Variants in CCDC73 observed in about 807,000 individuals in gnomAD.
CCDC73 encodes the protein coiled-coil domain containing 73, also known as coiled-coil domain-containing protein 73.
CCDC73 carries 95 observed loss-of-function variants against 116.5 expected under a neutral mutation model. The observed-to-expected ratio is 0.82, with a 90% confidence interval of 0.69 to 0.97. The LOEUF (loss-of-function observed/expected upper bound fraction) is 0.97. Among genes scored for constraint, CCDC73 ranks in the 50% least tolerant of loss-of-function variants. CCDC73 has a pLI of 0.00. For synonymous variants in CCDC73, 398 were observed against 401.3 expected, an observed-to-expected ratio of 0.99 and a Z score of 0.10; for missense variants, 1,066 against 1,206.8, an observed-to-expected ratio of 0.88 and a Z score of 1.73.
intron 2 of CCDC73, among the ~76,000 whole-genome samples, chr11:32,745,735 G>GT (rs1186973910): frequency 3.6e-5 from 4 of 109,736 alleles, no homozygotes; most frequent in South Asian, 3.2e-4. Flanking sequence ...TTGTTTGTTT[G>GT]TTTGTTTTGG....
intron 2 of CCDC73, among the ~76,000 whole-genome samples, chr11:32,757,843 A>G (rs1033453000): frequency 5.3e-5 from 8 of 152,214 alleles, no homozygotes; most frequent in African/African-American, 1.9e-4. Context: ...ATAATCCAGC[A>G]TAATCCCTCC....
intron 2 of CCDC73, among the ~76,000 whole-genome samples, chr11:32,755,710 C>T (rs529016917): frequency 3.2e-4 from 8 of 24,912 alleles, no homozygotes; most frequent in Admixed American, 5.4e-4. Flanking sequence ...TATATATCTC[C>T]ATATATATGT....
At chr11:32,825,529 C>T in the CCDC73 span, among the ~76,000 whole-genome samples, 7 of 151,858 alleles carry the variant, frequency 4.6e-5, no homozygotes, top group African/African-American at 1.7e-4. Context: ...CTCGAACTCC[C>T]GACTTCAGGT....
chr11:32,661,678 TTTTC>T lies in CCDC73; in HGVS notation c.646-6710_646-6707del, dbSNP rs370449428. Among the ~76,000 whole-genome samples, 250 of 151,378 alleles carry T rather than the reference TTTTC, an allele frequency of 1.7e-3. No individual in the cohort carries two copies. The East Asian group carries it at 0.039, about 23-fold the overall frequency. On this transcript the variant is annotated intron_variant, in intron 9 of 17. Transcript: ENST00000335185. ...TATTCCGTGGTGTATATGTGCCACA[TTTTC>T]TTTATTTTATTATTATTATACTTTA...
At chr11:32,808,249 C>T in the CCDC73 span, among the ~76,000 whole-genome samples, 17 of 152,078 alleles carry the variant, frequency 1.1e-4, no homozygotes, top group South Asian at 2.9e-3. Context: ...AAATAACATA[C>T]GGAAAAGAAG....
chr11:32,774,293 G>C (rs969805603), intron 1 of CCDC73, among the ~76,000 whole-genome samples: 4 of 152,066 alleles, frequency 2.6e-5, no homozygotes, highest in African/African-American at 9.7e-5. Flanking sequence ...TTGTTTCCAA[G>C]TGCTAAGCAA....
chr11:32,727,980 G>A (rs1850043204), intron 2 of CCDC73, among the ~76,000 whole-genome samples: 1 of 152,118 alleles, frequency 6.6e-6, no homozygotes, highest in Non-Finnish European at 1.5e-5. Context: ...AGCTGAGTGT[G>A]GTGGCTCACG....
chr11:32,771,716 A>C (rs998069797), intron 1 of CCDC73, among the ~76,000 whole-genome samples: 6 of 152,228 alleles, frequency 3.9e-5, no homozygotes, highest in Admixed American at 6.5e-5. Flanking sequence ...GAAGGTGAAC[A>C]TGATTTGCTT....
In CCDC73 at chr11:32,611,136, T is replaced by G. The variant is rs1025412974; in HGVS notation, c.3026A>C (p.Glu1009Ala). ...KTFYDSSFPT[E>A]HVKTKPLIST... ...CAATATTTTTAATTGACTTACATGTTCTGTGGGAAAAGAGGAATCATAAAA... is the reference window on the plus strand; with the variant it reads ...CAATATTTTTAATTGACTTACATGTGCTGTGGGAAAAGAGGAATCATAAAA... Residue 1009 changes from glutamate (E) to alanine (A), a missense_variant, in exon 17 of 18, where the codon GAA becomes GCA. Physicochemically the swap from Glu to Ala is moderately radical, Grantham distance 107. Transcript: ENST00000335185. 4.3e-6 allele frequency: 7 copies of G among 1,613,698 alleles called. No individual in the cohort carries two copies. In the Admixed American group the frequency reaches 1.0e-4, roughly 23 times the overall value.
chr11:32,810,279 T>C, the CCDC73 span, among the ~76,000 whole-genome samples: 1 of 152,242 alleles, frequency 6.6e-6, no homozygotes, highest in Admixed American at 6.5e-5. Flanking sequence ...ATTAATACTG[T>C]CTTCAGCTTT....
At chr11:32,786,970 A>C (rs1186411848) in intron 1 of CCDC73, among the ~76,000 whole-genome samples, 6 of 152,196 alleles carry the variant, frequency 3.9e-5, no homozygotes, top group Admixed American at 2.6e-4. Flanking sequence ...GCTGTTATCA[A>C]TCATGTACAG....
Position 32,729,811 on chromosome 11 carries a change from G to GA in CCDC73, c.136-11665dup, listed in dbSNP as rs374832733. 1.9e-3 allele frequency among the ~76,000 whole-genome samples: 285 copies of GA among 152,164 alleles called. 1 individual carries two copies. Among genetic ancestry groups the GA allele is most frequent in the African/African-American group, 6.8e-3 (281 of 41,510 alleles). The stretch of plus-strand genomic sequence containing the variant: ...CTTATTTGTCACTTCTTTCAACAGT[G>GA]AAAAAATCTACCTACCTCTCAGTAT... On this transcript the variant is annotated intron_variant, in intron 2 of 17. Transcript: ENST00000335185.
intron 14 of CCDC73, among the ~76,000 whole-genome samples, chr11:32,631,638 A>G (rs950970270): frequency 7.2e-5 from 11 of 151,762 alleles, no homozygotes; most frequent in African/African-American, 2.7e-4. Context: ...ACGGGAAAGG[A>G]AAGGAAAGGA....
Position 32,625,159 on chromosome 11 carries a change from G to C in CCDC73, c.1186-9030C>G, listed in dbSNP as rs189931249. On this transcript the variant is annotated intron_variant, in intron 14 of 17. Transcript: ENST00000335185. ...AGATCTTCCTCCATCCCTTTATTTT[G>C]AGCCTATGTGTGTCTCTGCACGTCA... 3.2e-3 allele frequency among the ~76,000 whole-genome samples: 480 copies of C among 151,870 alleles called. 2 individuals are homozygous for C. Among genetic ancestry groups the C allele is most frequent in the African/African-American group, 0.011 (465 of 41,374 alleles).
intron 1 of CCDC73, among the ~76,000 whole-genome samples, chr11:32,781,824 G>C (rs1028803397): frequency 2.6e-5 from 4 of 152,204 alleles, no homozygotes; most frequent in Non-Finnish European, 5.9e-5. Context: ...GGAAGGAAGT[G>C]TGTGTTTTCT....
At chr11:32,608,259 C>A (rs187919204) in intron 17 of CCDC73, among the ~76,000 whole-genome samples, 32 of 152,212 alleles carry the variant, frequency 2.1e-4, no homozygotes, top group Non-Finnish European at 2.2e-4. Context: ...TCATCTGAGA[C>A]AAGGCAAGTC....
chr11:32,616,175 T>G (rs1855473446), intron 14 of CCDC73, 46 bp from the exon 15 acceptor site: 3 of 1,498,446 alleles, frequency 2.0e-6, no homozygotes, highest in Middle Eastern at 2.4e-4. Flanking sequence ...TGCCTACAAG[T>G]ATAAAACATT....
Position 32,718,076 on chromosome 11 carries a change from C to G in CCDC73, c.207G>C (p.Lys69Asn). Residue 69 changes from lysine to asparagine, a missense_variant and splice_region_variant, in exon 3 of 18, where the codon AAG becomes AAC. Physicochemically the swap from Lys to Asn is moderately conservative, Grantham distance 94. Transcript: ENST00000335185. ...IVETQELKWQ[K>N]ETLQNQKETL... ...CACAAAGCCTAATCATATTACTCAC[C>G]TTTTGCCATTTAAGTTCCTGTGTCT... is the stretch of plus-strand genomic sequence containing the variant. 6 of 1,600,572 alleles carry G rather than the reference C, an allele frequency of 3.7e-6. No homozygotes were observed. Among genetic ancestry groups the G allele is most frequent in the Non-Finnish European group, 4.3e-6 (5 of 1,172,016 alleles).
In CCDC73 at chr11:32,625,650, C is replaced by T. The variant is rs537868451; in HGVS notation, c.1186-9521G>A. Reference sequence around the variant, plus strand: ...TGTAGAGTGATCAAGTGGGCTTCATCCCTGGGATGCAAGGCTGGTTCAACA... The same window carrying T: ...TGTAGAGTGATCAAGTGGGCTTCATTCCTGGGATGCAAGGCTGGTTCAACA... On this transcript the variant is annotated intron_variant, in intron 14 of 17. Coordinates refer to ENST00000335185, the MANE Select transcript of CCDC73 (RefSeq NM_001008391.4). Among the ~76,000 whole-genome samples the T allele has an allele frequency of 2.6e-5, 4 of 152,270 alleles. No individual in the cohort carries two copies. The South Asian group carries it at 8.3e-4, about 32-fold the overall frequency.
Sources: gnomAD v4.1 joint callset for allele counts (sites outside exome capture counted in the v4.1 genomes callset) on GRCh38, gnomAD v4.1.1 for gene constraint, MANE v1.5 for transcripts, NCBI Gene and HGNC (gene_info 2026-07-23, HGNC 2026-07-21) for gene names.